Variants in EP400 observed in about 807,000 individuals in gnomAD.
EP400 encodes E1A binding protein p400, also known as E1A-binding protein p400.
In EP400, 105 loss-of-function variants were observed where a neutral mutation model predicts 354.1. The ratio of observed to expected loss-of-function variants is 0.30; its 90% CI spans 0.25 to 0.35. The LOEUF is 0.35. Among genes scored for constraint, EP400 ranks in the 10% least tolerant of loss-of-function variants. EP400 has a pLI of 1.00. For missense variants in EP400, 3,280 were observed against 4,121.0 expected (o/e 0.80, Z 5.59); for synonymous variants, 1,646 against 1,716.9 (o/e 0.96, Z 1.02).
At chr12:132,041,897 C>T (rs1213296691) in intron 32 of EP400, among the ~76,000 whole-genome samples, 1 of 151,336 alleles carries the variant, frequency 6.6e-6, no homozygotes, top group African/African-American at 2.4e-5. Flanking sequence ...AAAGAAATGC[C>T]AAGGCTTTTC....
intron 39 of EP400, among the ~76,000 whole-genome samples, chr12:132,049,589 C>A (rs1255217694): frequency 6.6e-6 from 1 of 152,218 alleles, no homozygotes; most frequent in Non-Finnish European, 1.5e-5. Flanking sequence ...CGCCTTGGCA[C>A]ACTCTCTTTG....
At chr12:132,003,390 A>G (rs1463733843) in intron 12 of EP400, among the ~76,000 whole-genome samples, 1 of 152,160 alleles carries the variant, frequency 6.6e-6, no homozygotes, top group East Asian at 1.9e-4. Flanking sequence ...GTGCAAATAT[A>G]CATTACTTTA....
chr12:132,053,386 AG>A lies in EP400; in HGVS notation c.7518del (p.Gln2506HisfsTer89). 8.7e-6 allele frequency: 13 copies of A among 1,489,172 alleles called. No individual in the cohort carries two copies. In the East Asian group the frequency reaches 1.3e-4, roughly 15 times the overall value. 92.2% of individuals were successfully genotyped at this position (1,489,172 alleles called of 1,614,324 possible). A position where few individuals can be genotyped will look rare whatever the true frequency, so the allele number is the denominator to read the frequency against. On this transcript the variant is annotated frameshift_variant, in exon 43 of 53. Coordinates refer to ENST00000389561, the MANE Select transcript of EP400 (RefSeq NM_015409.5). LOFTEE classifies it high-confidence loss of function. ...QQKAQQPAVA[Q>X]PPPPQPQPPP... ...AAGGCACAGCAGCCGGCCGTGGCCC[AG>A]CCACCCCCGCCCCAGCCGCAGCCCC...
rs1895910399 is a variant in EP400 at position 132,066,896 on chromosome 12, A to G, written c.8676A>G (p.Ser2892=). Residue 2892 remains serine, a synonymous_variant, in exon 49 of 53, where the codon TCA becomes TCG. Transcript: ENST00000389561. ...CCGTCCCGGCAGCTGTGGTCTCCTCACCGGGAGTCACCACCCTGCCCATGA... is the reference window on the plus strand; with the variant it reads ...CCGTCCCGGCAGCTGTGGTCTCCTCGCCGGGAGTCACCACCCTGCCCATGA... ...VVSVPAAVVS[S]PGVTTLPMNV... 1.2e-6 allele frequency: 2 copies of G among 1,612,906 alleles called. No individual in the cohort carries two copies. The highest frequency in any genetic ancestry group is 1.7e-5 in the Admixed American group (1 of 59,772).
chr12:132,000,002 C>T (rs1211326477), intron 12 of EP400, among the ~76,000 whole-genome samples: 12 of 145,864 alleles, frequency 8.2e-5, no homozygotes, highest in Middle Eastern at 3.4e-3. Context: ...TTTAATCTGG[C>T]GCCTGTATAT....
chr12:132,053,520 C>G lies in EP400; in HGVS notation c.7651C>G (p.Gln2551Glu). 1 of 1,545,048 alleles carries G rather than the reference C, an allele frequency of 6.5e-7. No homozygotes were observed. The highest frequency in any genetic ancestry group is 8.7e-7 in the Non-Finnish European group (1 of 1,151,870). Residue 2551 changes from glutamine to glutamate, a missense_variant, in exon 43 of 53, where the codon CAG becomes GAG. Around this residue, in one of 20 missense-constraint regions of EP400, gnomAD observed 255 missense variants for 295.9 expected, o/e 0.86. Transcript: ENST00000389561. The stretch of plus-strand genomic sequence containing the variant: ...CCAGCCCCAACCCCAGCCACAGCCC[C>G]AGACCCAGCCACAGCCTGTGCAGGC... ...AVQPQPQPQP[Q>E]TQPQPVQAPA...
chr12:132,067,167 G>T lies in EP400; in HGVS notation c.8750-195G>T. On this transcript the variant is annotated intron_variant, in intron 49 of 52. Transcript: ENST00000389561. The surrounding 1 kb of genome is among the most constrained non-coding windows in gnomAD (Gnocchi z 5.3). ...TCCTCAATTGAACTGTTAACATTCT[G>T]AAATTTCCGTCTTAATTTAAGTGTA... 1 of 1,160,616 alleles carries T rather than the reference G, an allele frequency of 8.6e-7. No homozygotes were observed. The highest frequency in any genetic ancestry group is 1.2e-6 in the Non-Finnish European group (1 of 836,110). The allele number at this position is 1,160,616 out of a possible 1,614,324, so 71.9% of individuals were successfully genotyped here. A position where few individuals can be genotyped will look rare whatever the true frequency, so the allele number is the denominator to read the frequency against.
chr12:131,970,225 T>C (rs1445527115), intron 2 of EP400, among the ~76,000 whole-genome samples: 3 of 152,192 alleles, frequency 2.0e-5, no homozygotes, highest in African/African-American at 7.2e-5. Flanking sequence ...CAGGAGTGCC[T>C]ATCAACACGA....
chr12:132,076,171 C>T, intron 51 of EP400: 1 of 392,532 alleles, frequency 2.5e-6, no homozygotes, highest in Non-Finnish European at 4.9e-6. Flanking sequence ...ATGCAGAGCC[C>T]TTGGGACTCA....
At chr12:131,992,898 G>A (rs1042391412) in intron 11 of EP400, among the ~76,000 whole-genome samples, 4 of 152,206 alleles carry the variant, frequency 2.6e-5, no homozygotes, top group Admixed American at 2.0e-4. Flanking sequence ...TTGGTTTGGT[G>A]AAGTGTGTTA....
At chr12:131,983,965 G>C (rs375270717) in intron 5 of EP400, among the ~76,000 whole-genome samples, 1 of 151,762 alleles carries the variant, frequency 6.6e-6, no homozygotes, top group Non-Finnish European at 1.5e-5. Context: ...GCAGTGGCCC[G>C]ATCTCGGCTC....
intron 12 of EP400, among the ~76,000 whole-genome samples, chr12:132,001,631 G>A (rs752234836): frequency 2.6e-5 from 4 of 152,098 alleles, no homozygotes; most frequent in Non-Finnish European, 4.4e-5. Flanking sequence ...TTCCCGGTCC[G>A]CTAAGTAGCA....
chr12:132,073,459 C>CTTTCTTTTTTTTTTTTTTTTTTTT (rs1896125765), intron 51 of EP400, among the ~76,000 whole-genome samples: 1 of 117,730 alleles, frequency 8.5e-6, no homozygotes, highest in African/African-American at 4.4e-5. Context: ...GTCCCTTTTC[C>CTTTCTTTTTTTTTTTTTTTTTTTT]TTTTTTTTTT....
chr12:131,971,300 G>A (rs1172746562), intron 2 of EP400, among the ~76,000 whole-genome samples: 1 of 152,148 alleles, frequency 6.6e-6, no homozygotes, highest in Non-Finnish European at 1.5e-5. Flanking sequence ...GTTCATTCAT[G>A]TTGTTGTAAA....
At chr12:132,028,396 A>G in intron 27 of EP400, 108 bp downstream of exon 27, 4 of 1,376,200 alleles carry the variant, frequency 2.9e-6, no homozygotes, top group South Asian at 2.6e-5. Flanking sequence ...GCTTCTCCCC[A>G]CGCTGTCCCT....
At chr12:132,072,037 A>G (rs1896083983) in intron 51 of EP400, among the ~76,000 whole-genome samples, 1 of 152,172 alleles carries the variant, frequency 6.6e-6, no homozygotes, top group Non-Finnish European at 1.5e-5. Context: ...GGTAGTTGTC[A>G]TTGTGCATGG....
At chr12:132,007,407 C>G (rs948079926) in intron 15 of EP400, among the ~76,000 whole-genome samples, 2 of 152,100 alleles carry the variant, frequency 1.3e-5, no homozygotes, top group East Asian at 1.9e-4. Context: ...TGGGCTCAGT[C>G]TCTGCATGGC....
chr12:131,972,676 T>G (rs1042351822), intron 2 of EP400, among the ~76,000 whole-genome samples: 2 of 148,864 alleles, frequency 1.3e-5, no homozygotes, highest in African/African-American at 5.2e-5. Flanking sequence ...ATCATTTTCC[T>G]GTTAGAGAAA....
chr12:131,999,541 C>A (rs1033867635), intron 12 of EP400, among the ~76,000 whole-genome samples: 10 of 152,010 alleles, frequency 6.6e-5, no homozygotes, highest in Admixed American at 3.9e-4. Context: ...TGGGTTCAAG[C>A]GATTCTCCTG....
Sources: gnomAD v4.1 joint callset for allele counts (sites outside exome capture counted in the v4.1 genomes callset) on GRCh38, gnomAD v4.1.1 for gene constraint, gnomAD v4.1.1 regional missense constraint, Gnocchi (gnomAD v3.1) non-coding constraint, MANE v1.5 for transcripts, NCBI Gene and HGNC (gene_info 2026-07-23, HGNC 2026-07-21) for gene names.